The following EXOC6B variants were observed in gnomAD, a reference collection of about 807,000 sequenced individuals.
EXOC6B encodes the protein exocyst complex component 6B.
A neutral mutation model predicts 113.5 loss-of-function variants in EXOC6B; 54 were observed. The observed-to-expected ratio is 0.48, with a 90% confidence interval of 0.38 to 0.60. EXOC6B has a LOEUF of 0.60. Ranked by LOEUF, EXOC6B falls within the 20% of genes least tolerant of loss-of-function variation. The pLI, the probability that EXOC6B is intolerant of heterozygous loss-of-function variation, is 0.00. For synonymous variants in EXOC6B, 357 were observed against 339.0 expected (o/e 1.05, Z -0.58); for missense variants, 797 against 977.5 (o/e 0.82, Z 2.46).
chr2:72,218,443 T>G (rs1020985553), intron 20 of EXOC6B, among the ~76,000 whole-genome samples: 1 of 152,222 alleles, frequency 6.6e-6, no homozygotes, highest in African/African-American at 2.4e-5. Flanking sequence ...TGTGCATGTG[T>G]GCATATGTAT....
intron 1 of EXOC6B, among the ~76,000 whole-genome samples, chr2:72,796,191 G>A (rs1229181008): frequency 6.6e-6 from 1 of 151,096 alleles, no homozygotes; most frequent in Non-Finnish European, 1.5e-5. Flanking sequence ...GGTGGCTCAC[G>A]CCTGTAATCC....
chr2:72,486,356 G>A (rs1224908796), intron 16 of EXOC6B, among the ~76,000 whole-genome samples: 5 of 150,170 alleles, frequency 3.3e-5, no homozygotes, highest in African/African-American at 1.2e-4. Flanking sequence ...GAGACAGAAT[G>A]AGACTCCATC....
In EXOC6B at chr2:72,240,962, A is replaced by G. The variant is rs181094944; in HGVS notation, c.2197-56775T>C. 6.8e-4 allele frequency among the ~76,000 whole-genome samples: 103 copies of G among 152,148 alleles called. 2 individuals are homozygous for G. The East Asian group carries it at 0.015, about 22-fold the overall frequency. On this transcript the variant is annotated intron_variant, in intron 20 of 21. Transcript: ENST00000272427. Reference sequence around the variant, plus strand: ...GGATATAGAGAATACATTTTACTGGAGCAGAAACAAAGAAGCAGAAATAAC... The same window carrying G: ...GGATATAGAGAATACATTTTACTGGGGCAGAAACAAAGAAGCAGAAATAAC...
At chr2:72,661,924 C>T (rs1469261378) in intron 6 of EXOC6B, among the ~76,000 whole-genome samples, 1 of 151,792 alleles carries the variant, frequency 6.6e-6, no homozygotes, top group East Asian at 1.9e-4. Flanking sequence ...CTAATATAGC[C>T]AGTTGATTTT....
chr2:72,736,544 C>T (rs1172362266), intron 2 of EXOC6B, among the ~76,000 whole-genome samples: 1 of 152,150 alleles, frequency 6.6e-6, no homozygotes, highest in Non-Finnish European at 1.5e-5. Flanking sequence ...AAACCCTAAA[C>T]CAGTAGCCTC....
intron 18 of EXOC6B, chr2:72,462,822 C>T (rs1474538046): frequency 3.3e-5 from 5 of 152,006 alleles, no homozygotes; most frequent in Non-Finnish European, 7.4e-5. Context: ...TTTTATAGAA[C>T]TTCTAAAGTG....
At chr2:72,192,750 C>T (rs534107833) in intron 20 of EXOC6B, among the ~76,000 whole-genome samples, 10 of 152,314 alleles carry the variant, frequency 6.6e-5, no homozygotes, top group South Asian at 2.1e-4. Context: ...TTCGCTTGAA[C>T]AGGAACACTG....
At chr2:72,185,074 C>T (rs1469383879) in intron 20 of EXOC6B, among the ~76,000 whole-genome samples, 1 of 152,210 alleles carries the variant, frequency 6.6e-6, no homozygotes, top group African/African-American at 2.4e-5. Flanking sequence ...ATCACACTAA[C>T]AAATATTCAA....
chr2:72,734,208 C>A (rs560115723), intron 2 of EXOC6B, among the ~76,000 whole-genome samples: 1 of 152,158 alleles, frequency 6.6e-6, no homozygotes, highest in African/African-American at 2.4e-5. Flanking sequence ...CCTGGACTAT[C>A]ATTCAAAGCA....
chr2:72,427,087 G>A (rs997917274), intron 18 of EXOC6B, among the ~76,000 whole-genome samples: 2 of 152,212 alleles, frequency 1.3e-5, no homozygotes, highest in Non-Finnish European at 2.9e-5. Context: ...AGCTGGGCCT[G>A]GGGCAGTGTG....
At chr2:72,227,171 T>C (rs1681296583) in intron 20 of EXOC6B, among the ~76,000 whole-genome samples, 1 of 152,208 alleles carries the variant, frequency 6.6e-6, no homozygotes, top group Admixed American at 6.5e-5. Context: ...AGTTAAAAGA[T>C]AGAGGTTCTC....
intron 8 of EXOC6B, among the ~76,000 whole-genome samples, chr2:72,554,998 A>C (rs1038483316): frequency 1.4e-4 from 21 of 151,976 alleles, no homozygotes; most frequent in African/African-American, 4.6e-4. Flanking sequence ...GAGTGAGAAC[A>C]TGTGGTGTTT....
chr2:72,328,307 C>T (rs1358693023), intron 20 of EXOC6B, among the ~76,000 whole-genome samples: 1 of 152,014 alleles, frequency 6.6e-6, no homozygotes, highest in African/African-American at 2.4e-5. Context: ...AAAATGTCTT[C>T]TCTGAAAGTC....
intron 6 of EXOC6B, among the ~76,000 whole-genome samples, chr2:72,716,093 A>G (rs1679597620): frequency 6.6e-6 from 1 of 152,232 alleles, no homozygotes; most frequent in Non-Finnish European, 1.5e-5. Context: ...TGGCTATATA[A>G]TTAAGTTCAG....
At chr2:72,807,465 G>C (rs149518066) in intron 1 of EXOC6B, among the ~76,000 whole-genome samples, 1 of 152,190 alleles carries the variant, frequency 6.6e-6, no homozygotes, top group African/African-American at 2.4e-5. Context: ...GATGCCTCCA[G>C]CTTTGTTCTT....
At chr2:72,325,667 C>T (rs1688088939) in intron 20 of EXOC6B, among the ~76,000 whole-genome samples, 1 of 151,874 alleles carries the variant, frequency 6.6e-6, no homozygotes. Context: ...GGGAAGAACC[C>T]TCAAAGAGGT....
In EXOC6B at chr2:72,741,479, A is replaced by C. The variant is rs1681321920; in HGVS notation, c.114-10T>G. On this transcript the variant is annotated splice_polypyrimidine_tract_variant and intron_variant, in intron 1 of 21. Coordinates refer to ENST00000272427, the MANE Select transcript of EXOC6B (RefSeq NM_015189.3). ...ACCATCATAAACAGACCTTTAAAAA[A>C]AAATGGCACGAAGATTATACCATGG... 1.3e-6 allele frequency: 2 copies of C among 1,596,070 alleles called. No homozygotes were observed. Among genetic ancestry groups the C allele is most frequent in the East Asian group, 4.5e-5 (2 of 44,734 alleles).
intron 6 of EXOC6B, among the ~76,000 whole-genome samples, chr2:72,717,678 C>T (rs1393010258): frequency 6.6e-6 from 1 of 151,878 alleles, no homozygotes; most frequent in Non-Finnish European, 1.5e-5. Context: ...TTCACTGATA[C>T]CTATTAATAT....
chr2:72,299,316 CTG>C lies in EXOC6B; in HGVS notation c.2196+35629_2196+35630del, dbSNP rs558658476. ...GTATATGCTTCACAAAATTCTCGTG[CTG>C]TGTTTTTCAGCTCCATCAGTTCATT... On this transcript the variant is annotated intron_variant, in intron 20 of 21. Transcript: ENST00000272427. Among the ~76,000 whole-genome samples the C allele has an allele frequency of 2.5e-3, 378 of 151,828 alleles. 2 individuals carry two copies. The highest frequency in any genetic ancestry group is 8.4e-3 in the African/African-American group (348 of 41,422).
Sources: gnomAD v4.1 joint callset for allele counts (sites outside exome capture counted in the v4.1 genomes callset) on GRCh38, gnomAD v4.1.1 for gene constraint, MANE v1.5 for transcripts, NCBI Gene and HGNC (gene_info 2026-07-23, HGNC 2026-07-21) for gene names.